GNG12: variants seen among roughly 807,000 people sequenced by gnomAD.
The protein encoded by GNG12 is G protein subunit gamma 12, also known as guanine nucleotide-binding protein G(I)/G(S)/G(O) subunit gamma-12.
For synonymous variants in GNG12, 28 were observed against 29.7 expected, an observed-to-expected ratio of 0.94 and a Z score of 0.19; for missense variants, 69 against 83.8, an observed-to-expected ratio of 0.82 and a Z score of 0.69.
At position 67,821,957 on chromosome 1, in the gene GNG12, C is replaced by T. The variant is rs146919278; in HGVS notation, c.-77+11387G>A. 2.9e-3 allele frequency among the ~76,000 whole-genome samples: 435 copies of T among 152,030 alleles called. 3 individuals carry two copies. The highest frequency in any genetic ancestry group is 9.7e-3 in the African/African-American group (403 of 41,466). On this transcript the variant is annotated intron_variant, in intron 1 of 3. Transcript: ENST00000370982. ...GCCCAGGAGACTGAAACCGCAAACT[C>T]AAGCTCTAAACCAGGGGTGTCCAAT...
intron 2 of GNG12, among the ~76,000 whole-genome samples, chr1:67,712,713 G>A (rs1262727517): frequency 6.6e-6 from 1 of 151,840 alleles, no homozygotes; most frequent in South Asian, 2.1e-4. Context: ...AGTTAACCCA[G>A]TTCGTAAGCC....
chr1:67,759,214 A>AATC (rs1343124728), intron 2 of GNG12, among the ~76,000 whole-genome samples: 1 of 152,246 alleles, frequency 6.6e-6, no homozygotes, highest in East Asian at 1.9e-4. Context: ...AGCACATGGA[A>AATC]CAGCATATAC....
intron 1 of GNG12, among the ~76,000 whole-genome samples, chr1:67,817,480 T>A (rs1039241156): frequency 3.9e-5 from 6 of 152,212 alleles, no homozygotes; most frequent in African/African-American, 1.4e-4. Flanking sequence ...GCCCAAAACC[T>A]GGATCATAAT....
At chr1:67,715,197 G>T (rs1192224274) in intron 2 of GNG12, among the ~76,000 whole-genome samples, 1 of 152,144 alleles carries the variant, frequency 6.6e-6, no homozygotes, top group Non-Finnish European at 1.5e-5. Flanking sequence ...GATTACAGGC[G>T]TGAGCCACTG....
At chr1:67,815,707 C>T (rs761948914) in intron 1 of GNG12, among the ~76,000 whole-genome samples, 5 of 152,024 alleles carry the variant, frequency 3.3e-5, no homozygotes, top group Admixed American at 6.6e-5. Flanking sequence ...AGGTAGGGCT[C>T]GGTATGTGCT....
chr1:67,790,609 CCT>C (rs1491361044), intron 1 of GNG12, among the ~76,000 whole-genome samples: 1 of 120,994 alleles, frequency 8.3e-6, no homozygotes, highest in Non-Finnish European at 1.7e-5. Flanking sequence ...ATAGTTTATT[CCT>C]TTTTTTTTTT....
intron 1 of GNG12, among the ~76,000 whole-genome samples, chr1:67,788,565 T>G (rs1016605588): frequency 6.6e-6 from 1 of 152,040 alleles, no homozygotes; most frequent in Non-Finnish European, 1.5e-5. Context: ...GGTCTTAATC[T>G]CCTGGCCTCA....
chr1:67,830,478 C>A (rs1010813421), intron 1 of GNG12, among the ~76,000 whole-genome samples: 2 of 152,174 alleles, frequency 1.3e-5, no homozygotes, highest in Non-Finnish European at 2.9e-5. Flanking sequence ...GACATCAGCA[C>A]ATGCAAAAGT....
intron 2 of GNG12, among the ~76,000 whole-genome samples, chr1:67,709,424 G>A (rs1418371635): frequency 6.6e-6 from 1 of 152,070 alleles, no homozygotes; most frequent in African/African-American, 2.4e-5. Context: ...GGCAATTTGT[G>A]CCACTAGTGT....
intron 1 of GNG12, among the ~76,000 whole-genome samples, chr1:67,807,524 A>G (rs912187108): frequency 2.6e-5 from 4 of 152,052 alleles, no homozygotes; most frequent in African/African-American, 9.6e-5. Context: ...AAAATCAATG[A>G]AACCAAAAGC....
intron 2 of GNG12, among the ~76,000 whole-genome samples, chr1:67,714,761 C>T (rs1646315346): frequency 6.6e-6 from 1 of 152,190 alleles, no homozygotes; most frequent in Admixed American, 6.5e-5. Flanking sequence ...TAATTCAGAA[C>T]ATGACTGTAC....
chr1:67,833,446 CG>C lies in GNG12; in HGVS notation c.-180del. On this transcript the variant is annotated 5_prime_UTR_variant, in exon 1 of 4. Transcript: ENST00000370982. ...CCTCCTCCTCCTCCTCTTGCTCCTC[CG>C]GGCGCCGGCTCCGCCTCGCTGGGGT... 1 of 985,390 alleles carries C rather than the reference CG, an allele frequency of 1.0e-6. No individual in the cohort carries two copies. Among genetic ancestry groups the C allele is most frequent in the Non-Finnish European group, 1.2e-6 (1 of 830,124 alleles). 61.0% of individuals were successfully genotyped at this position (985,390 alleles called of 1,614,324 possible).
chr1:67,720,626 A>G (rs1003018845), intron 2 of GNG12, among the ~76,000 whole-genome samples: 3 of 152,264 alleles, frequency 2.0e-5, no homozygotes, highest in Non-Finnish European at 4.4e-5. Context: ...AGGGCTTTAG[A>G]TAAAATTATT....
chr1:67,739,667 C>G (rs12074272), intron 2 of GNG12, among the ~76,000 whole-genome samples: 13,903 of 152,216 alleles, frequency 0.091, 660 homozygotes, highest in Admixed American at 0.11. Context: ...CATGAGTACT[C>G]AAAATATCTG....
At position 67,793,219 on chromosome 1, in the gene GNG12, G is replaced by C. The variant is rs1236239016; in HGVS notation, c.-76-15712C>G. 3.3e-5 allele frequency among the ~76,000 whole-genome samples: 5 copies of C among 152,256 alleles called. No individual in the cohort carries two copies. The East Asian group carries it at 9.7e-4, about 29-fold the overall frequency. Reference sequence around the variant, plus strand: ...GGATATTCTTAATCCTGACTCATTTGAGAAATAAGTCAGACTCAGCTTAGT... The same window carrying C: ...GGATATTCTTAATCCTGACTCATTTCAGAAATAAGTCAGACTCAGCTTAGT... On this transcript the variant is annotated intron_variant, in intron 1 of 3. Coordinates refer to ENST00000370982, the MANE Select transcript of GNG12 (RefSeq NM_018841.6).
chr1:67,754,435 C>T (rs1646556514), intron 2 of GNG12, among the ~76,000 whole-genome samples: 1 of 152,192 alleles, frequency 6.6e-6, no homozygotes, highest in African/African-American at 2.4e-5. Flanking sequence ...ACCCCTTCTT[C>T]TGTCTCCAAG....
intron 2 of GNG12, among the ~76,000 whole-genome samples, chr1:67,763,903 G>A (rs1222570121): frequency 6.6e-6 from 1 of 152,160 alleles, no homozygotes; most frequent in Admixed American, 6.5e-5. Context: ...ACAAAGGATG[G>A]AGTGTGAACT....
At chr1:67,771,735 G>A (rs72922795) in intron 2 of GNG12, among the ~76,000 whole-genome samples, 12,411 of 152,212 alleles carry the variant, frequency 0.082, 623 homozygotes, top group African/African-American at 0.11. Flanking sequence ...AGTGTTCCAG[G>A]AGAGGCAGCT....
At chr1:67,712,066 C>T (rs1381268154) in intron 2 of GNG12, among the ~76,000 whole-genome samples, 2 of 152,216 alleles carry the variant, frequency 1.3e-5, no homozygotes, top group Non-Finnish European at 2.9e-5. Flanking sequence ...CGACTTGCAG[C>T]TGCTCTGCAG....
Sources: allele counts gnomAD v4.1 joint callset (sites outside exome capture counted in the v4.1 genomes callset), GRCh38; gene constraint gnomAD v4.1.1; transcripts MANE v1.5; gene names NCBI Gene and HGNC (gene_info 2026-07-23, HGNC 2026-07-21).